Variants in SLC12A4 observed in about 807,000 individuals in gnomAD.
SLC12A4 encodes the protein solute carrier family 12 member 4.
Under a neutral mutation model 119.2 loss-of-function variants are expected in SLC12A4, and 84 were observed. That is an observed-to-expected ratio of 0.70 (90% confidence interval 0.59 to 0.85). The LOEUF is 0.85. SLC12A4 is among the 40% of genes least tolerant of loss of function. SLC12A4 has a pLI of 0.00. For synonymous variants in SLC12A4, 599 were observed against 604.6 expected, an observed-to-expected ratio of 0.99 and a Z score of 0.14; for missense variants, 1,298 against 1,476.3, an observed-to-expected ratio of 0.88 and a Z score of 1.98.
rs1409606507 is a variant in SLC12A4 at position 67,950,826 on chromosome 16, G to A, written c.1397-115C>T. ...CACCTACAGCTGGGAGTCTCGTGGT[G>A]TGTATGTGCATGTGTGCATGAGAAG... On this transcript the variant is annotated intron_variant, in intron 10 of 23. Transcript: ENST00000316341. The surrounding 1 kb of genome is among the most constrained non-coding windows in gnomAD (Gnocchi z 4.3). The A allele has an allele frequency of 7.6e-6, 11 of 1,454,692 alleles. No individual in the cohort carries two copies. The highest frequency in any genetic ancestry group is 1.9e-6 in the Non-Finnish European group (2 of 1,054,562). The allele number at this position is 1,454,692 out of a possible 1,614,324, so 90.1% of individuals were successfully genotyped here. A position where few individuals can be genotyped will look rare whatever the true frequency, so the allele number is the denominator to read the frequency against.
In SLC12A4 at chr16:67,952,443, A is replaced by G; in HGVS notation, c.676-18T>C. 2 of 1,611,830 alleles carry G rather than the reference A, an allele frequency of 1.2e-6. No individual in the cohort carries two copies. Among genetic ancestry groups the G allele is most frequent in the Non-Finnish European group, 1.7e-6 (2 of 1,177,976 alleles). The stretch of plus-strand genomic sequence containing the variant: ...ATGTAGGTCTGAAACAAGAAGATGG[A>G]TAAGGAGGGTTTTATTTCTTATTTG... On this transcript the variant is annotated intron_variant, in intron 6 of 23. Coordinates refer to ENST00000316341, the MANE Select transcript of SLC12A4 (RefSeq NM_005072.5).
At chr16:67,954,105 TC>T (rs1369402633) in intron 6 of SLC12A4, 1 of 393,774 alleles carries the variant, frequency 2.5e-6, no homozygotes, top group Non-Finnish European at 5.1e-6. Flanking sequence ...GCTCCTTGCC[TC>T]TTCTCCCACT....
Position 67,968,523 on chromosome 16 carries a change from C to T in SLC12A4, c.31G>A (p.Gly11Arg), listed in dbSNP as rs755485149. ...TTGTCATAGTCGCCGCGCCTCGGCC[C>T]GTCCACTGGCACCACGGTGAAGTGA... The part of the protein sequence containing the change: MPHFTVVPVD[G>R]PRRGDYDNLE... Residue 11 changes from glycine to arginine, a missense_variant, in exon 1 of 24, where the codon GGG becomes AGG. Physicochemically the swap from Gly to Arg is moderately radical, Grantham distance 125. Transcript: ENST00000316341. 2.5e-6 allele frequency: 4 copies of T among 1,581,074 alleles called. No homozygotes were observed. The highest frequency in any genetic ancestry group is 4.8e-5 in the East Asian group (2 of 41,792).
In SLC12A4 at chr16:67,952,268, G is replaced by A. The variant is rs766959486; in HGVS notation, c.833C>T (p.Ser278Leu). 4.0e-5 allele frequency: 65 copies of A among 1,614,050 alleles called. No homozygotes were observed. The highest frequency in any genetic ancestry group is 8.9e-5 in the East Asian group (4 of 44,894). The stretch of plus-strand genomic sequence containing the variant: ...GATGATCACACAGGCCAGGAAGAGC[G>A]AGGCAAATTTGTTCACATACTTGAC... ...VGVKYVNKFA[S>L]LFLACVIISI... is the part of the protein sequence containing the mutation. The change falls in exon 7 of 24, where the codon TCG becomes TTG. Residue 278 changes from serine (S) to leucine (L), a missense_variant. Physicochemically the swap from Ser to Leu is moderately radical, Grantham distance 145 (BLOSUM62 -2). Transcript: ENST00000316341.
intron 13 of SLC12A4, among the ~76,000 whole-genome samples, chr16:67,948,615 C>T (rs1598213411): frequency 1.3e-5 from 2 of 152,200 alleles, no homozygotes; most frequent in South Asian, 2.1e-4. Flanking sequence ...GGGAGTCCCA[C>T]GCATGGGCAG....
Position 67,963,934 on chromosome 16 carries a change from A to G in SLC12A4, c.116-375T>C. The G allele has an allele frequency of 1.9e-6, 3 of 1,551,330 alleles. No individual in the cohort carries two copies. In the South Asian group the frequency reaches 3.6e-5, roughly 18 times the overall value. On this transcript the variant is annotated intron_variant, in intron 1 of 23. Transcript: ENST00000316341. ...TTTCCCGGTCTTTCCGGAGTACCCA[A>G]TGTGCAGGATGCCAAGGGTTCGGTG... is the stretch of plus-strand genomic sequence containing the variant.
intron 3 of SLC12A4, among the ~76,000 whole-genome samples, chr16:67,959,595 G>A (rs933039348): frequency 2.0e-5 from 3 of 152,226 alleles, no homozygotes; most frequent in African/African-American, 7.2e-5. Flanking sequence ...GAGCAGTGCA[G>A]GGGACGGATC....
rs1319181827 is a variant in SLC12A4 at position 67,946,695 on chromosome 16, C to T, written c.2242-62G>A. ...CAGCTTCCTGCCTCTGGGCTCCCTC[C>T]CAAGGCCCCTCGGGAACAAAACGAC... On this transcript the variant is annotated intron_variant, in intron 17 of 23. Transcript: ENST00000316341. 1.9e-6 allele frequency: 3 copies of T among 1,548,624 alleles called. No individual in the cohort carries two copies. In the African/African-American group the frequency reaches 4.1e-5, roughly 21 times the overall value.
chr16:67,947,301 C>A (rs768400565), intron 16 of SLC12A4, 30 bp downstream of exon 16: 1 of 1,599,726 alleles, frequency 6.3e-7, no homozygotes, highest in South Asian at 1.1e-5. Flanking sequence ...AGAACCTCTG[C>A]GCCCTGGCCA....
chr16:67,945,609 T>G (rs1023698261), intron 21 of SLC12A4, 56 bp from the exon 22 acceptor site: 2 of 1,559,874 alleles, frequency 1.3e-6, no homozygotes, highest in Non-Finnish European at 1.7e-6. Context: ...GGATGGGGCC[T>G]GTCTGGCCCA....
rs774037044 is a variant in SLC12A4 at position 67,950,486 on chromosome 16, C to T, written c.1462G>A (p.Asp488Asn). The T allele has an allele frequency of 1.4e-5, 22 of 1,613,968 alleles. No individual in the cohort carries two copies. Among genetic ancestry groups the T allele is most frequent in the Middle Eastern group, 1.6e-4 (1 of 6,062 alleles). The part of the protein sequence containing the change: ...EGVVLRDKYG[D>N]GVSRNLVVGT... ...ACCACCAAGTTCCTGCTGACACCAT[C>T]GCCATACCTGCAGGGGCCACCAGAG... Residue 488 changes from aspartate (D) to asparagine (N), a missense_variant, in exon 12 of 24, where the codon GAT becomes AAT. By Grantham distance (23) the Asp-to-Asn change is conservative (BLOSUM62 1). Transcript: ENST00000316341. This position sits in a 1 kb window ranked among gnomAD's most constrained non-coding sequence, Gnocchi z 4.3.
Position 67,950,840 on chromosome 16 carries a change from G to A in SLC12A4, c.1396+122C>T. 7.0e-7 allele frequency: 1 copy of A among 1,432,866 alleles called. No individual in the cohort carries two copies. The highest frequency in any genetic ancestry group is 9.7e-7 in the Non-Finnish European group (1 of 1,033,324). The allele number at this position is 1,432,866 out of a possible 1,614,324, so 88.8% of individuals were successfully genotyped here. A position where few individuals can be genotyped will look rare whatever the true frequency, so the allele number is the denominator to read the frequency against. On this transcript the variant is annotated intron_variant, in intron 10 of 23. Transcript: ENST00000316341. This position sits in a 1 kb window ranked among gnomAD's most constrained non-coding sequence, Gnocchi z 4.3. ...AGTCTCGTGGTGTGTATGTGCATGT[G>A]TGCATGAGAAGGGGAGCTATATATG...
At chr16:67,952,465 T>C (rs1167664336) in intron 6 of SLC12A4, 40 bp from the exon 7 acceptor site, 1 of 1,607,176 alleles carries the variant, frequency 6.2e-7, no homozygotes, top group South Asian at 1.1e-5. Flanking sequence ...TTATTTCTTA[T>C]TTGGAAAGTG....
chr16:67,945,323 C>T, intron 22 of SLC12A4, 46 bp downstream of exon 22: 1 of 1,582,438 alleles, frequency 6.3e-7, no homozygotes, highest in Non-Finnish European at 8.6e-7. Context: ...ACCCCACCTC[C>T]ACCCCTAGAT....
At chr16:67,963,107 G>A (rs2030669307) in intron 2 of SLC12A4, 1 of 160,514 alleles carries the variant, frequency 6.2e-6, no homozygotes, top group Non-Finnish European at 1.4e-5. Context: ...AGAAAGACAA[G>A]GAAGAATCCA....
At position 67,944,587 on chromosome 16, in the gene SLC12A4, C is replaced by G; in HGVS notation, c.*253G>C. The G allele has an allele frequency of 7.5e-7, 1 of 1,340,062 alleles. No individual in the cohort carries two copies. The highest frequency in any genetic ancestry group is 2.1e-5 in the South Asian group (1 of 48,424). 83.0% of individuals were successfully genotyped at this position (1,340,062 alleles called of 1,614,324 possible). ...CCCACTCGGCCCCTACCAGTCTTCT[C>G]TGGCCAGGACAGGCCTACTGGGGTG... On this transcript the variant is annotated 3_prime_UTR_variant, in exon 24 of 24. Coordinates refer to ENST00000316341, the MANE Select transcript of SLC12A4 (RefSeq NM_005072.5). This position sits in a 1 kb window ranked among gnomAD's most constrained non-coding sequence, Gnocchi z 6.6.
Position 67,949,933 on chromosome 16 carries a change from A to G in SLC12A4, c.1630-15T>C. 6.3e-7 allele frequency: 1 copy of G among 1,591,348 alleles called. No individual in the cohort carries two copies. Among genetic ancestry groups the G allele is most frequent in the Non-Finnish European group, 8.6e-7 (1 of 1,160,188 alleles). On this transcript the variant is annotated splice_polypyrimidine_tract_variant and intron_variant, in intron 12 of 23. Transcript: ENST00000316341. The surrounding 1 kb of genome is among the most constrained non-coding windows in gnomAD (Gnocchi z 4.6). ...TGGCCAAACACCTGTGTGCACCAGG[A>G]AGGAAGCTGGGTCCTGTCACCCCCA...
At chr16:67,961,501 G>A in intron 3 of SLC12A4, 74 bp downstream of exon 3, 2 of 1,566,890 alleles carry the variant, frequency 1.3e-6, no homozygotes, top group Non-Finnish European at 1.7e-6. Context: ...ACCACCATGT[G>A]GGGAAACAGT....
At chr16:67,945,926 G>A (rs1243787652) in intron 20 of SLC12A4, 25 bp downstream of exon 20, 2 of 1,612,876 alleles carry the variant, frequency 1.2e-6, no homozygotes, top group Admixed American at 3.3e-5. Context: ...GTATCCACGG[G>A]GCCAGGGCAG....
Sources: gnomAD v4.1 joint callset for allele counts (sites outside exome capture counted in the v4.1 genomes callset) on GRCh38, gnomAD v4.1.1 for gene constraint, Gnocchi (gnomAD v3.1) non-coding constraint, MANE v1.5 for transcripts, NCBI Gene and HGNC (gene_info 2026-07-23, HGNC 2026-07-21) for gene names.